Variants in ANKS6 observed in about 807,000 individuals in gnomAD.
ANKS6 encodes ankyrin repeat and sterile alpha motif domain containing 6.
In ANKS6, 47 loss-of-function variants were observed where a neutral mutation model predicts 77.9. That is an observed-to-expected ratio of 0.60 (90% CI 0.48 to 0.77). The LOEUF is 0.77. Among genes scored for constraint, ANKS6 ranks in the 30% least tolerant of loss-of-function variants. ANKS6 has a pLI of 0.00. For synonymous variants in ANKS6, 488 were observed against 501.7 expected (o/e 0.97, Z 0.37); for missense variants, 1,150 against 1,159.1 (o/e 0.99, Z 0.11).
At chr9:98,774,917 C>A (rs1366820386) in intron 8 of ANKS6, among the ~76,000 whole-genome samples, 1 of 152,338 alleles carries the variant, frequency 6.6e-6, no homozygotes, top group Non-Finnish European at 1.5e-5. Context: ...CATCTCCACA[C>A]TGATGGCTGC....
chr9:98,782,265 C>T (rs183243753), intron 5 of ANKS6, among the ~76,000 whole-genome samples: 1 of 152,120 alleles, frequency 6.6e-6, no homozygotes, highest in Non-Finnish European at 1.5e-5. Flanking sequence ...GTCCCCGGGG[C>T]CACCTGGTCC....
At chr9:98,769,719 C>A (rs1183058619) in intron 10 of ANKS6, among the ~76,000 whole-genome samples, 2 of 152,190 alleles carry the variant, frequency 1.3e-5, no homozygotes, top group Non-Finnish European at 2.9e-5. Context: ...AGCTATTTGA[C>A]CCCGGACGAG....
chr9:98,768,166 C>G lies in ANKS6; in HGVS notation c.2057G>C (p.Arg686Pro), dbSNP rs978673028. ...CGGTGCTGGCCCCACAGGGCTTGAC[C>G]GATGGCTGGGTTTCTGCTCCAATAA... ...AGLLEQKPSH[R>P]SSPVGPAPGS... is the part of the protein sequence containing the mutation. The change falls in exon 11 of 15, where the codon CGG becomes CCG. Residue 686 changes from arginine to proline, a missense_variant. Transcript: ENST00000353234. The G allele has an allele frequency of 6.2e-7, 1 of 1,614,032 alleles. No homozygotes were observed. Among genetic ancestry groups the G allele is most frequent in the Non-Finnish European group, 8.5e-7 (1 of 1,180,020 alleles).
At chr9:98,792,509 T>C (rs1299459273) in intron 1 of ANKS6, among the ~76,000 whole-genome samples, 1 of 152,134 alleles carries the variant, frequency 6.6e-6, no homozygotes, top group Non-Finnish European at 1.5e-5. Context: ...AATGCATAAA[T>C]GGCATAACCA....
At chr9:98,770,557 A>T (rs1833561249) in intron 10 of ANKS6, among the ~76,000 whole-genome samples, 1 of 152,158 alleles carries the variant, frequency 6.6e-6, no homozygotes, top group South Asian at 2.1e-4. Context: ...CTGCTCAATG[A>T]AGGGGCAGAA....
intron 1 of ANKS6, among the ~76,000 whole-genome samples, chr9:98,790,853 G>T (rs1401632893): frequency 6.6e-6 from 1 of 152,198 alleles, no homozygotes; most frequent in East Asian, 1.9e-4. Flanking sequence ...GAAGAACTTT[G>T]ATTTCTTTGT....
intron 2 of ANKS6, among the ~76,000 whole-genome samples, chr9:98,789,496 CA>C (rs1242608333): frequency 4.1e-5 from 6 of 146,702 alleles, no homozygotes; most frequent in African/African-American, 1.5e-4. Context: ...ATCAATTTTA[CA>C]TGAACTAGTG....
chr9:98,777,845 G>A (rs1351088140), intron 7 of ANKS6, among the ~76,000 whole-genome samples: 3 of 152,152 alleles, frequency 2.0e-5, no homozygotes, highest in African/African-American at 2.4e-5. Context: ...CTTGAGTGAC[G>A]GGGAGCTCAC....
At chr9:98,754,888 C>T (rs1160328424) in intron 12 of ANKS6, among the ~76,000 whole-genome samples, 4 of 151,982 alleles carry the variant, frequency 2.6e-5, no homozygotes, top group African/African-American at 9.7e-5. Flanking sequence ...ACAAACAGTC[C>T]ATACAGACAT....
intron 14 of ANKS6, among the ~76,000 whole-genome samples, chr9:98,739,216 C>A (rs968137172): frequency 6.6e-6 from 1 of 152,010 alleles, no homozygotes; most frequent in South Asian, 2.1e-4. Flanking sequence ...CAAACCACTG[C>A]GAAAGAACTT....
In ANKS6 at chr9:98,785,869, C is replaced by T. The variant is rs368027856; in HGVS notation, c.863-993G>A. On this transcript the variant is annotated intron_variant, in intron 2 of 14. Coordinates refer to ENST00000353234, the MANE Select transcript of ANKS6 (RefSeq NM_173551.5). ...TTTTTAGAGTAAGCTGCCTCTTCATCACAAATGTGGGGATAGCATCCCTCT... is the reference window on the plus strand; with the variant it reads ...TTTTTAGAGTAAGCTGCCTCTTCATTACAAATGTGGGGATAGCATCCCTCT... 2.4e-4 allele frequency among the ~76,000 whole-genome samples: 36 copies of T among 152,304 alleles called. 1 individual carries two copies. In the South Asian group the frequency reaches 7.5e-3, roughly 32 times the overall value.
intron 14 of ANKS6, among the ~76,000 whole-genome samples, chr9:98,744,383 C>A (rs1431003491): frequency 3.3e-5 from 5 of 152,150 alleles, no homozygotes; most frequent in Admixed American, 3.3e-4. Context: ...GGCCAGGAGG[C>A]CTCGGTTTAG....
At position 98,796,234 on chromosome 9, in the gene ANKS6, C is replaced by G; in HGVS notation, c.258G>C (p.Ala86=). The change falls in exon 1 of 15, where the codon GCG becomes GCC. Residue 86 remains alanine (A), a synonymous_variant. Transcript: ENST00000353234. ...GCACCAGCGGTTCGTGGCCCCCGGC[C>G]GCGGCGAACTGCAGTGCGGTGTTGC... is the stretch of plus-strand genomic sequence containing the variant. ...EAGNTALQFA[A]AGGHEPLVRF... The G allele has an allele frequency of 7.1e-7, 1 of 1,405,808 alleles. No homozygotes were observed. The highest frequency in any genetic ancestry group is 9.3e-7 in the Non-Finnish European group (1 of 1,077,766). The allele number at this position is 1,405,808 out of a possible 1,614,324, so 87.1% of individuals were successfully genotyped here.
At chr9:98,738,921 G>C (rs1831655342) in intron 14 of ANKS6, among the ~76,000 whole-genome samples, 2 of 152,212 alleles carry the variant, frequency 1.3e-5, no homozygotes, top group South Asian at 2.1e-4. Context: ...GCCATAAAGA[G>C]GGATGAATTA....
chr9:98,773,897 C>A lies in ANKS6; in HGVS notation c.1801G>T (p.Gly601Cys), dbSNP rs773317893. Residue 601 changes from glycine to cysteine, a missense_variant, in exon 9 of 15, where the codon GGC becomes TGC. Gly to Cys is a radical substitution (Grantham distance 159). Coordinates refer to ENST00000353234, the MANE Select transcript of ANKS6 (RefSeq NM_173551.5). ...CTTACAGTGTCTGTGCCCCCGCCGC[C>A]CACGGGGTGGCCCCTGCTGGCTCTC... Reference protein sequence around the residue: ...PQRASRGHPVGGGGTDTTPVR... With the variant: ...PQRASRGHPVCGGGTDTTPVR... The A allele has an allele frequency of 2.5e-6, 4 of 1,572,646 alleles. No individual in the cohort carries two copies. The South Asian group carries it at 4.6e-5, about 18-fold the overall frequency.
At chr9:98,771,190 G>C (rs1833607380) in intron 9 of ANKS6, 144 bp from the exon 10 acceptor site, 1 of 985,082 alleles carries the variant, frequency 1.0e-6, no homozygotes, top group Non-Finnish European at 1.4e-6. Context: ...CCAGGGCCCA[G>C]CTGGGGAGTC....
chr9:98,773,977 C>G lies in ANKS6; in HGVS notation c.1721G>C (p.Arg574Pro). 6.3e-7 allele frequency: 1 copy of G among 1,595,476 alleles called. No homozygotes were observed. Among genetic ancestry groups the G allele is most frequent in the Non-Finnish European group, 8.5e-7 (1 of 1,172,320 alleles). ...PSSFELWSSD[R>P]SRTRHNGKAD... Reference sequence around the variant, plus strand: ...CTTCCCGTTGTGACGCGTCCGGGACCGATCAGAGCTCCACAGCTCAAAACT... The same window carrying G: ...CTTCCCGTTGTGACGCGTCCGGGACGGATCAGAGCTCCACAGCTCAAAACT... Residue 574 changes from arginine to proline, a missense_variant, in exon 9 of 15, where the codon CGG becomes CCG. Coordinates refer to ENST00000353234, the MANE Select transcript of ANKS6 (RefSeq NM_173551.5).
At chr9:98,777,494 C>T (rs148960825) in intron 7 of ANKS6, 40 bp from the exon 8 acceptor site, 107 of 1,602,058 alleles carry the variant, frequency 6.7e-5, no homozygotes, top group Middle Eastern at 3.3e-4. Context: ...GACCCCTCCA[C>T]GTGTCCACAG....
At chr9:98,789,851 G>C in intron 2 of ANKS6, 1 of 454,446 alleles carries the variant, frequency 2.2e-6, no homozygotes, top group Non-Finnish European at 3.7e-6. Flanking sequence ...TGTGCTTGGG[G>C]AGAGCAGCCT....
Sources: allele counts gnomAD v4.1 joint callset (sites outside exome capture counted in the v4.1 genomes callset), GRCh38; gene constraint gnomAD v4.1.1; transcripts MANE v1.5; gene names NCBI Gene and HGNC (gene_info 2026-07-23, HGNC 2026-07-21).